The following DNAH10 variants were observed in gnomAD, a reference collection of about 807,000 sequenced individuals.
DNAH10 encodes the protein dynein axonemal heavy chain 10.
A neutral mutation model predicts 506.6 loss-of-function variants in DNAH10; 348 were observed. That is an observed-to-expected ratio of 0.69 (90% CI 0.63 to 0.75). The LOEUF (loss-of-function observed/expected upper bound fraction) is 0.75, where lower values mean the gene tolerates loss of function less well. Ranked by LOEUF, DNAH10 falls within the 30% of genes least tolerant of loss-of-function variation. DNAH10 has a pLI of 0.00. For missense variants in DNAH10, 5,179 were observed against 5,787.1 expected, an observed-to-expected ratio of 0.89 and a Z score of 3.41; for synonymous variants, 2,059 against 2,198.6, an observed-to-expected ratio of 0.94 and a Z score of 1.78.
In DNAH10 at chr12:123,819,204, T is replaced by G; in HGVS notation, c.3954T>G (p.Arg1318=). 6.2e-7 allele frequency: 1 copy of G among 1,613,348 alleles called. No individual in the cohort carries two copies. Among genetic ancestry groups the G allele is most frequent in the Non-Finnish European group, 8.5e-7 (1 of 1,179,686 alleles). The change falls in exon 23 of 79, where the codon CGT becomes CGG. Residue 1318 remains arginine (R), a synonymous_variant. Coordinates refer to ENST00000673944, the MANE Select transcript of DNAH10 (RefSeq NM_001372106.1). ...YRVQIEEFAK[R]FYSEGPGSVG... Reference sequence around the variant, plus strand: ...TTCAGATAGAGGAGTTTGCAAAGCGTTTTTACAGTGAAGGCCCTGGTTCTG... The same window carrying G: ...TTCAGATAGAGGAGTTTGCAAAGCGGTTTTACAGTGAAGGCCCTGGTTCTG...
chr12:123,835,927 C>T (rs186046267), intron 28 of DNAH10, among the ~76,000 whole-genome samples: 7 of 152,340 alleles, frequency 4.6e-5, no homozygotes, highest in African/African-American at 1.4e-4. Context: ...GCCTGGCCCA[C>T]TAGTAGCTTC....
Position 123,804,819 on chromosome 12 carries a change from A to G in DNAH10, c.2780-14A>G, listed in dbSNP as rs749953159. On this transcript the variant is annotated splice_polypyrimidine_tract_variant and intron_variant, in intron 17 of 78. Coordinates refer to ENST00000673944, the MANE Select transcript of DNAH10 (RefSeq NM_001372106.1). The stretch of plus-strand genomic sequence containing the variant: ...GTGTTCGTGGACAGCTCTAACAGAC[A>G]TCTTTCTCTCCAGGCGTGAAGGAAT... 5 of 1,605,554 alleles carry G rather than the reference A, an allele frequency of 3.1e-6. No individual in the cohort carries two copies. The South Asian group carries it at 3.3e-5, about 11-fold the overall frequency.
At chr12:123,888,670 T>C (rs1009704374) in intron 52 of DNAH10, among the ~76,000 whole-genome samples, 2 of 152,164 alleles carry the variant, frequency 1.3e-5, no homozygotes, top group Non-Finnish European at 2.9e-5. Context: ...CTGTATTTCT[T>C]GTCTGAAGCC....
chr12:123,893,124 TG>T, intron 52 of DNAH10, 108 bp from the exon 53 acceptor site: 1 of 1,200,926 alleles, frequency 8.3e-7, no homozygotes, highest in Non-Finnish European at 1.2e-6. Context: ...CGCTGCTCTC[TG>T]GACTCAGCAC....
intron 38 of DNAH10, among the ~76,000 whole-genome samples, chr12:123,859,803 G>A (rs1263059070): frequency 6.6e-6 from 1 of 152,132 alleles, no homozygotes; most frequent in Non-Finnish European, 1.5e-5. Flanking sequence ...GGAGGCCTGG[G>A]TGGGAGGATC....
intron 27 of DNAH10, 64 bp downstream of exon 27, chr12:123,833,411 G>T: frequency 7.8e-7 from 1 of 1,281,336 alleles, no homozygotes; most frequent in South Asian, 1.3e-5. Context: ...TTTATATGAG[G>T]ATATTTTGTG....
At position 123,877,798 on chromosome 12, in the gene DNAH10, C is replaced by T; in HGVS notation, c.8262C>T (p.Tyr2754=). Residue 2754 remains tyrosine, a synonymous_variant, in exon 48 of 79, where the codon TAC becomes TAT. Coordinates refer to ENST00000673944, the MANE Select transcript of DNAH10 (RefSeq NM_001372106.1). ...GKLTFCTLAL[Y]KNIVQDLPPT... ...TGACATTCTGCACGCTAGCACTTTA[C>T]AAAAATATTGTGCAAGACCTACCTC... The T allele has an allele frequency of 6.2e-7, 1 of 1,613,924 alleles. No homozygotes were observed. The highest frequency in any genetic ancestry group is 2.2e-5 in the East Asian group (1 of 44,882).
At chr12:123,924,041 T>C in intron 66 of DNAH10, 174 bp downstream of exon 66, 1 of 738,212 alleles carries the variant, frequency 1.4e-6, no homozygotes, top group South Asian at 2.0e-5. Flanking sequence ...ATGGCTCTGG[T>C]TGAAATCGGA....
intron 70 of DNAH10, 37 bp from the exon 71 acceptor site, chr12:123,929,238 C>T (rs956646844): frequency 9.7e-6 from 15 of 1,548,428 alleles, no homozygotes; most frequent in Admixed American, 1.9e-5. Context: ...TGTGGGCCTG[C>T]GGTCTCCATC....
At position 123,853,481 on chromosome 12, in the gene DNAH10, C is replaced by A; in HGVS notation, c.6438+129C>A. ...TTAAGTCTTAGCTGCCTCTTCACCC[C>A]GCGGTCTGGCCTTACTTTGGCCTCT... On this transcript the variant is annotated intron_variant, in intron 36 of 78. Transcript: ENST00000673944. This position sits in a 1 kb window ranked among gnomAD's most constrained non-coding sequence, Gnocchi z 4.7. The A allele has an allele frequency of 8.0e-7, 1 of 1,242,526 alleles. No homozygotes were observed. The highest frequency in any genetic ancestry group is 1.1e-6 in the Non-Finnish European group (1 of 936,162). 77.0% of individuals were successfully genotyped at this position (1,242,526 alleles called of 1,614,324 possible).
At chr12:123,788,025 C>A (rs749377912) in intron 10 of DNAH10, 23 bp downstream of exon 10, 1 of 1,552,714 alleles carries the variant, frequency 6.4e-7, no homozygotes, top group Non-Finnish European at 8.7e-7. Context: ...CGAAGGCCGG[C>A]GGAATTTGCC....
At position 123,813,790 on chromosome 12, in the gene DNAH10, C is replaced by T; in HGVS notation, c.3658C>T (p.Leu1220Phe). ...AKNLRKIPNTLEDLKFVLATI... is the reference protein window; with the variant it reads ...AKNLRKIPNTFEDLKFVLATI... ...AAACCTTAGGAAGATCCCCAATACCCTTGAAGATCTCAAGTTTGTCCTTGC... is the reference window on the plus strand; with the variant it reads ...AAACCTTAGGAAGATCCCCAATACCTTTGAAGATCTCAAGTTTGTCCTTGC... Residue 1220 changes from leucine to phenylalanine, a missense_variant, in exon 21 of 79, where the codon CTT becomes TTT. Leu to Phe is a conservative substitution (Grantham distance 22). Coordinates refer to ENST00000673944, the MANE Select transcript of DNAH10 (RefSeq NM_001372106.1). The T allele has an allele frequency of 3.1e-6, 5 of 1,613,188 alleles. No homozygotes were observed. Among genetic ancestry groups the T allele is most frequent in the Middle Eastern group, 1.6e-4 (1 of 6,062 alleles).
intron 2 of DNAH10, among the ~76,000 whole-genome samples, chr12:123,769,690 G>A (rs1487131397): frequency 6.6e-6 from 1 of 152,024 alleles, no homozygotes; most frequent in Non-Finnish European, 1.5e-5. Context: ...TCTTTTTATG[G>A]TGGTAAAATG....
intron 37 of DNAH10, among the ~76,000 whole-genome samples, chr12:123,858,310 C>T (rs1208195871): frequency 6.6e-6 from 1 of 152,144 alleles, no homozygotes; most frequent in Non-Finnish European, 1.5e-5. Flanking sequence ...TGCCCAGAGC[C>T]TCCAGACCTG....
chr12:123,894,098 T>C (rs1424438409), intron 53 of DNAH10, among the ~76,000 whole-genome samples: 1 of 134,292 alleles, frequency 7.4e-6, no homozygotes, highest in Non-Finnish European at 1.6e-5. Context: ...TTTTTTTTTT[T>C]TTTTTTTTTT....
At chr12:123,873,438 T>C (rs1952115599) in intron 45 of DNAH10, 120 bp from the exon 46 acceptor site, 1 of 1,165,524 alleles carries the variant, frequency 8.6e-7, no homozygotes, top group Non-Finnish European at 1.2e-6. Context: ...CACTGGGTTA[T>C]TAAAAAGTTA....
intron 50 of DNAH10, among the ~76,000 whole-genome samples, chr12:123,880,807 C>G (rs1364902474): frequency 9.1e-6 from 1 of 110,186 alleles, no homozygotes; most frequent in African/African-American, 3.5e-5. Context: ...CCCCTCCCCC[C>G]ACCCCACAAC....
rs1960470819 is a variant in DNAH10 at position 123,830,828 on chromosome 12, A to G, written c.4545+129A>G. ...AGCGTGGTGGTATGCCATTACTCCC[A>G]GCTTCTTGGGAGGCTGAGGTGGGAG... On this transcript the variant is annotated intron_variant, in intron 26 of 78. Coordinates refer to ENST00000673944, the MANE Select transcript of DNAH10 (RefSeq NM_001372106.1). 3.0e-6 allele frequency: 3 copies of G among 989,316 alleles called. No homozygotes were observed. In the Admixed American group the frequency reaches 1.0e-4, roughly 34 times the overall value. The allele number at this position is 989,316 out of a possible 1,614,324, so 61.3% of individuals were successfully genotyped here. A position where few individuals can be genotyped will look rare whatever the true frequency, so the allele number is the denominator to read the frequency against.
At chr12:123,885,350 T>G (rs1952683940) in intron 51 of DNAH10, among the ~76,000 whole-genome samples, 1 of 152,238 alleles carries the variant, frequency 6.6e-6, no homozygotes, top group Non-Finnish European at 1.5e-5. Context: ...AGTATTCTAT[T>G]GTTTGGATAT....
Sources: gnomAD v4.1 joint callset for allele counts (sites outside exome capture counted in the v4.1 genomes callset) on GRCh38, gnomAD v4.1.1 for gene constraint, Gnocchi (gnomAD v3.1) non-coding constraint, MANE v1.5 for transcripts, NCBI Gene and HGNC (gene_info 2026-07-23, HGNC 2026-07-21) for gene names.